SLC7A5: variants seen among roughly 807,000 people sequenced by gnomAD.
SLC7A5 encodes solute carrier family 7 member 5, also known as large neutral amino acids transporter small subunit 1.
A neutral mutation model predicts 50.2 loss-of-function variants in SLC7A5; 23 were observed. The observed-to-expected ratio is 0.46, with a 90% CI of 0.33 to 0.65. The LOEUF (loss-of-function observed/expected upper bound fraction) is 0.65. Ranked by LOEUF, SLC7A5 falls within the 30% of genes least tolerant of loss-of-function variation. The pLI, the probability that SLC7A5 is intolerant of heterozygous loss-of-function variation, is 0.02. For synonymous variants in SLC7A5, 393 were observed against 330.6 expected (o/e 1.19, Z -2.05); for missense variants, 578 against 684.4 (o/e 0.84, Z 1.73).
chr16:87,852,315 C>G lies in SLC7A5; in HGVS notation c.539-466G>C, dbSNP rs1358938937. On this transcript the variant is annotated intron_variant, in intron 1 of 9. Transcript: ENST00000261622. The surrounding 1 kb of genome is among the most constrained non-coding windows in gnomAD (Gnocchi z 4.5). ...CTCCATGAGGGCGGGGCCCTTTCCT[C>G]AAAGAGGATCTTCTGTGGATTCCAA... Among the ~76,000 whole-genome samples the G allele has an allele frequency of 1.3e-5, 2 of 152,186 alleles. No homozygotes were observed. The highest frequency in any genetic ancestry group is 3.9e-4 in the East Asian group (2 of 5,194).
Position 87,849,451 on chromosome 16 carries a change from T to C in SLC7A5, c.664+2273A>G, listed in dbSNP as rs76385409. On this transcript the variant is annotated intron_variant, in intron 2 of 9. Coordinates refer to ENST00000261622, the MANE Select transcript of SLC7A5 (RefSeq NM_003486.7). The stretch of plus-strand genomic sequence containing the variant: ...ACAGCTAACGGAATTATAAACCTAT[T>C]ATGTATTCAAGTCGAACAAAAGCTC... 8.3e-3 allele frequency among the ~76,000 whole-genome samples: 1,271 copies of C among 152,258 alleles called. 42 individuals carry two copies. The highest frequency in any genetic ancestry group is 0.074 in the East Asian group (383 of 5,178).
chr16:87,855,545 A>G (rs987664040), intron 1 of SLC7A5, among the ~76,000 whole-genome samples: 3 of 151,252 alleles, frequency 2.0e-5, no homozygotes, highest in African/African-American at 7.3e-5. Flanking sequence ...CCTCGGGGGG[A>G]TGACTCTCTG....
intron 1 of SLC7A5, among the ~76,000 whole-genome samples, chr16:87,866,922 T>G (rs1338844960): frequency 1.3e-5 from 2 of 151,374 alleles, no homozygotes; most frequent in Non-Finnish European, 2.9e-5. Flanking sequence ...AGTCAGAGAC[T>G]CAGCACCCAG....
intron 2 of SLC7A5, among the ~76,000 whole-genome samples, chr16:87,848,002 G>C (rs2055174864): frequency 6.6e-6 from 1 of 152,198 alleles, no homozygotes; most frequent in Admixed American, 6.5e-5. Flanking sequence ...CAGCAGCTCA[G>C]CAAAGCCATT....
intron 1 of SLC7A5, among the ~76,000 whole-genome samples, chr16:87,854,553 C>A (rs577566731): frequency 2.2e-4 from 33 of 152,372 alleles, no homozygotes; most frequent in African/African-American, 7.9e-4. Context: ...CATGGAGGGG[C>A]TGCTGGCTGC....
At chr16:87,854,786 T>C (rs986606532) in intron 1 of SLC7A5, among the ~76,000 whole-genome samples, 1 of 152,246 alleles carries the variant, frequency 6.6e-6, no homozygotes, top group Non-Finnish European at 1.5e-5. Context: ...GGGTGCTGTC[T>C]TCCCCGTCCT....
At chr16:87,864,163 A>G (rs950236375) in intron 1 of SLC7A5, among the ~76,000 whole-genome samples, 1 of 150,904 alleles carries the variant, frequency 6.6e-6, no homozygotes, top group African/African-American at 2.4e-5. Flanking sequence ...ATGGTGGTGC[A>G]TGCCTGTAAT....
rs866315560 is a variant in SLC7A5 at position 87,853,654 on chromosome 16, T to G, written c.539-1805A>C. On this transcript the variant is annotated intron_variant, in intron 1 of 9. Transcript: ENST00000261622. The surrounding 1 kb of genome is among the most constrained non-coding windows in gnomAD (Gnocchi z 4.4). ...CTTGCCAGTCCCATTTCCTTATGGTTGGGGGGAGCACGACCATAAAAGAAA... is the reference window on the plus strand; with the variant it reads ...CTTGCCAGTCCCATTTCCTTATGGTGGGGGGGAGCACGACCATAAAAGAAA... Among the ~76,000 whole-genome samples the G allele has an allele frequency of 5.9e-5, 9 of 152,152 alleles. No individual in the cohort carries two copies. The highest frequency in any genetic ancestry group is 2.2e-4 in the African/African-American group (9 of 41,496).
In SLC7A5 at chr16:87,837,854, G is replaced by C; in HGVS notation, c.1131C>G (p.Leu377=). ...CGTGCAGCAGGCTTACCGTGAACAC[G>C]AGGGACGGCACGGGGGTGAGGAGCT... The part of the protein sequence containing the change: ...HPQLLTPVPS[L]VFTCVMTLLY... The change falls in exon 7 of 10, where the codon CTC becomes CTG. Residue 377 remains leucine, a synonymous_variant. Transcript: ENST00000261622. 1 of 1,604,864 alleles carries C rather than the reference G, an allele frequency of 6.2e-7. No individual in the cohort carries two copies. The highest frequency in any genetic ancestry group is 8.5e-7 in the Non-Finnish European group (1 of 1,177,016).
rs139393335 is a variant in SLC7A5 at position 87,864,368 on chromosome 16, T to C, written c.538+4517A>G. ...TGGCTTTTCACTGCTCCAGGAGCAA[T>C]GTCCACAGATCAAACGCCCGGCCTC... On this transcript the variant is annotated intron_variant, in intron 1 of 9. Coordinates refer to ENST00000261622, the MANE Select transcript of SLC7A5 (RefSeq NM_003486.7). Among the ~76,000 whole-genome samples the C allele has an allele frequency of 4.0e-3, 616 of 152,214 alleles. 3 individuals are homozygous for C. The highest frequency in any genetic ancestry group is 0.014 in the African/African-American group (568 of 41,526).
chr16:87,869,370 T>A lies in SLC7A5; in HGVS notation c.53A>T (p.Glu18Val). ...RRALAAPAAEEKEEAREKMLA... is the reference protein window; with the variant it reads ...RRALAAPAAEVKEEAREKMLA... ...CATCTTCTCCCGCGCCTCTTCCTTC[T>A]CCTCGGCCGCCGGCGCCGCTAGCGC... The change falls in exon 1 of 10, where the codon GAG becomes GTG. Residue 18 changes from glutamate to valine, a missense_variant. Physicochemically the swap from Glu to Val is moderately radical, Grantham distance 121. This residue lies in a region of SLC7A5 where 113 missense variants were observed against 89.8 expected (regional missense o/e 1.26). Coordinates refer to ENST00000261622, the MANE Select transcript of SLC7A5 (RefSeq NM_003486.7). The A allele has an allele frequency of 1.9e-6, 3 of 1,603,418 alleles. No individual in the cohort carries two copies. Among genetic ancestry groups the A allele is most frequent in the Non-Finnish European group, 2.5e-6 (3 of 1,176,858 alleles).
In SLC7A5 at chr16:87,840,427, A is replaced by G. The variant is rs80043896; in HGVS notation, c.815+2T>C. 5.6e-6 allele frequency: 9 copies of G among 1,610,940 alleles called. No homozygotes were observed. The highest frequency in any genetic ancestry group is 7.6e-6 in the Non-Finnish European group (9 of 1,177,074). The stretch of plus-strand genomic sequence containing the variant: ...GACGGCTCCATCCATTCTTGCACGT[A>G]CCTGTAGGGGTTGATCATTTCCTCT... On this transcript the variant is annotated splice_donor_variant, in intron 4 of 9. Transcript: ENST00000261622. LOFTEE classifies it high-confidence loss of function.
At chr16:87,834,327 T>G (rs979532067) in intron 9 of SLC7A5, 87 bp downstream of exon 9, 5 of 1,339,854 alleles carry the variant, frequency 3.7e-6, no homozygotes, top group Non-Finnish European at 5.2e-6. Flanking sequence ...CTTCGCCCCA[T>G]GTGGGTGGAG....
Position 87,861,068 on chromosome 16 carries a change from G to C in SLC7A5, c.538+7817C>G, listed in dbSNP as rs1171610903. Among the ~76,000 whole-genome samples the C allele has an allele frequency of 6.6e-6, 1 of 152,212 alleles. No homozygotes were observed. The highest frequency in any genetic ancestry group is 1.5e-5 in the Non-Finnish European group (1 of 68,028). The stretch of plus-strand genomic sequence containing the variant: ...AGCGGGAAGAGGGTGCTGCCACAGG[G>C]CCTCTGGGGAGCGTGCGGGCACACA... On this transcript the variant is annotated intron_variant, in intron 1 of 9. Coordinates refer to ENST00000261622, the MANE Select transcript of SLC7A5 (RefSeq NM_003486.7). This position sits in a 1 kb window ranked among gnomAD's most constrained non-coding sequence, Gnocchi z 4.2.
rs376038975 is a variant in SLC7A5, at chr16:87,846,022, GCAAGCGGCGGGT to G, written c.665-4879_665-4868del. On this transcript the variant is annotated intron_variant, in intron 2 of 9. Coordinates refer to ENST00000261622, the MANE Select transcript of SLC7A5 (RefSeq NM_003486.7). Reference sequence around the variant, plus strand: ...GCCCAGGACACACTGAGCTCCCAGAGCAAGCGGCGGGTCAAGCATCCTTTATCAACTGCGAGG... The same window carrying G: ...GCCCAGGACACACTGAGCTCCCAGAGCAAGCATCCTTTATCAACTGCGAGG... Among the ~76,000 whole-genome samples, 467 of 152,360 alleles carry G rather than the reference GCAAGCGGCGGGT, an allele frequency of 3.1e-3. 2 individuals carry two copies. Among genetic ancestry groups the G allele is most frequent in the African/African-American group, 0.011 (452 of 41,574 alleles).
rs1567496547 is a variant in SLC7A5, at chr16:87,851,888, ACAGACGC to A, written c.539-46_539-40del. The A allele has an allele frequency of 4.3e-6, 7 of 1,611,776 alleles. No individual in the cohort carries two copies. In the South Asian group the frequency reaches 7.7e-5, roughly 18 times the overall value. On this transcript the variant is annotated intron_variant, in intron 1 of 9. Coordinates refer to ENST00000261622, the MANE Select transcript of SLC7A5 (RefSeq NM_003486.7). ...GGGCAGCGGTGAGTTCCACGGGCAG[ACAGACGC>A]CAGCTCAGGGGTAGGCTGGGAGGTG...
chr16:87,863,883 T>C (rs1415507987), intron 1 of SLC7A5, among the ~76,000 whole-genome samples: 17 of 151,040 alleles, frequency 1.1e-4, no homozygotes, highest in Admixed American at 8.0e-4. Flanking sequence ...AAAGCCACTG[T>C]ACCTTCTGTA....
intron 4 of SLC7A5, 79 bp from the exon 5 acceptor site, chr16:87,839,904 C>G: frequency 6.3e-7 from 1 of 1,593,216 alleles, no homozygotes; most frequent in Non-Finnish European, 8.6e-7. Flanking sequence ...GCCAGGTGGG[C>G]TCCTCGCAAG....
At chr16:87,850,409 T>C (rs922210792) in intron 2 of SLC7A5, among the ~76,000 whole-genome samples, 2 of 152,192 alleles carry the variant, frequency 1.3e-5, no homozygotes, top group African/African-American at 4.8e-5. Context: ...GTCCTTGCCC[T>C]GTCCTCTGCA....
Sources: gnomAD v4.1 joint callset for allele counts (sites outside exome capture counted in the v4.1 genomes callset) on GRCh38, gnomAD v4.1.1 for gene constraint, gnomAD v4.1.1 regional missense constraint, Gnocchi (gnomAD v3.1) non-coding constraint, MANE v1.5 for transcripts, NCBI Gene and HGNC (gene_info 2026-07-23, HGNC 2026-07-21) for gene names.